RANBP2: variants seen among roughly 807,000 people sequenced by gnomAD.
RANBP2 encodes the protein RAN binding protein 2.
RANBP2 carries 57 observed loss-of-function variants against 303.6 expected under a neutral mutation model. The observed-to-expected ratio is 0.19, with a 90% CI of 0.15 to 0.23. RANBP2 has a LOEUF of 0.23. Among genes scored for constraint, RANBP2 ranks in the 10% least tolerant of loss-of-function variants. The probability of loss-of-function intolerance (pLI) is 1.00; values close to 1 mark genes in which losing one functional copy is unlikely to be tolerated. For missense variants in RANBP2, 3,138 were observed against 3,780.8 expected, an observed-to-expected ratio of 0.83 and a Z score of 4.46; for synonymous variants, 1,167 against 1,301.5, an observed-to-expected ratio of 0.90 and a Z score of 2.23.
chr2:108,772,766 G>T, intron 22 of RANBP2, 102 bp from the exon 23 acceptor site: 2 of 1,321,122 alleles, frequency 1.5e-6, no homozygotes, highest in Non-Finnish European at 2.1e-6. Context: ...GTATGTACAG[G>T]TCTTGTTACC....
At chr2:109,191,061 C>T in the RANBP2 span, among the ~76,000 whole-genome samples, 1 of 152,122 alleles carries the variant, frequency 6.6e-6, no homozygotes, top group Non-Finnish European at 1.5e-5. Flanking sequence ...AGAGTCTAAC[C>T]TCCTCTGTTG....
chr2:109,314,550 T>C, the RANBP2 span, among the ~76,000 whole-genome samples: 5 of 152,198 alleles, frequency 3.3e-5, no homozygotes, highest in Non-Finnish European at 2.9e-5. Context: ...CATCAACTAA[T>C]ACATTTTTAT....
At chr2:108,950,695 T>C in the RANBP2 span, among the ~76,000 whole-genome samples, 4 of 152,230 alleles carry the variant, frequency 2.6e-5, no homozygotes, top group African/African-American at 9.6e-5. Flanking sequence ...TCCACATCCC[T>C]GCCCTTGCTC....
chr2:109,174,879 A>G, the RANBP2 span, among the ~76,000 whole-genome samples: 1 of 152,190 alleles, frequency 6.6e-6, no homozygotes, highest in African/African-American at 2.4e-5. Flanking sequence ...CTCTGTCAAC[A>G]TATTTCAGAT....
chr2:109,366,712 G>A, the RANBP2 span, among the ~76,000 whole-genome samples: 8 of 152,234 alleles, frequency 5.3e-5, no homozygotes, highest in African/African-American at 1.9e-4. Flanking sequence ...AATTAGCTGC[G>A]TGTGGTGGCA....
At chr2:109,581,367 G>A in the RANBP2 span, among the ~76,000 whole-genome samples, 1 of 152,064 alleles carries the variant, frequency 6.6e-6, no homozygotes, top group African/African-American at 2.4e-5. Context: ...AACCCAGGAG[G>A]CGGAGGTTGC....
chr2:108,982,719 T>C, the RANBP2 span, among the ~76,000 whole-genome samples: 11 of 152,224 alleles, frequency 7.2e-5, no homozygotes, highest in Admixed American at 5.2e-4. Flanking sequence ...TAGAGAAAGT[T>C]TGGTCTCCTG....
chr2:108,887,318 G>A, the RANBP2 span, among the ~76,000 whole-genome samples: 1 of 152,120 alleles, frequency 6.6e-6, no homozygotes, highest in Non-Finnish European at 1.5e-5. Context: ...TCATTGTGAT[G>A]CCTACAGCTT....
At chr2:109,164,563 C>T in the RANBP2 span, among the ~76,000 whole-genome samples, 9 of 152,260 alleles carry the variant, frequency 5.9e-5, no homozygotes, top group African/African-American at 2.2e-4. Context: ...TACTCTTCTA[C>T]CCATTCAAAC....
chr2:108,984,658 AC>A, the RANBP2 span, among the ~76,000 whole-genome samples: 1 of 151,020 alleles, frequency 6.6e-6, no homozygotes, highest in South Asian at 2.1e-4. Context: ...TACCCTGGGC[AC>A]CTTCTTTCTA....
chr2:108,833,894 A>ATT, the RANBP2 span, among the ~76,000 whole-genome samples: 13,548 of 78,848 alleles, frequency 0.17, 610 homozygotes, highest in African/African-American at 0.18. Flanking sequence ...CGCCCGGCTA[A>ATT]TTTTTTTTTT....
chr2:109,627,192 T>G, the RANBP2 span, among the ~76,000 whole-genome samples: 1 of 151,992 alleles, frequency 6.6e-6, no homozygotes, highest in African/African-American at 2.4e-5. Flanking sequence ...AACAAAACAA[T>G]TATTTGTGTA....
chr2:109,596,524 G>A, the RANBP2 span, among the ~76,000 whole-genome samples: 1 of 152,088 alleles, frequency 6.6e-6, no homozygotes, highest in Non-Finnish European at 1.5e-5. Flanking sequence ...GGCTGAGGCA[G>A]GAGAATGGCG....
the RANBP2 span, among the ~76,000 whole-genome samples, chr2:109,699,019 G>A: frequency 2.0e-5 from 3 of 152,234 alleles, no homozygotes; most frequent in Admixed American, 6.5e-5. Context: ...TTGAGTGGGT[G>A]TAAGGCGGCC....
chr2:109,171,941 C>G, the RANBP2 span, among the ~76,000 whole-genome samples: 2 of 152,266 alleles, frequency 1.3e-5, no homozygotes, highest in South Asian at 4.1e-4. Flanking sequence ...TTGACTCCCT[C>G]CTTTCGCTGT....
chr2:109,226,894 G>A, the RANBP2 span, among the ~76,000 whole-genome samples: 1 of 152,204 alleles, frequency 6.6e-6, no homozygotes, highest in African/African-American at 2.4e-5. Context: ...GAGAAGCAAA[G>A]CCGTGTGGTG....
chr2:108,820,777 CA>C, the RANBP2 span, among the ~76,000 whole-genome samples: 1 of 151,002 alleles, frequency 6.6e-6, no homozygotes. Flanking sequence ...AAGACTTTCT[CA>C]GATAAACAGT....
At chr2:108,857,119 G>A in the RANBP2 span, 66 of 406,368 alleles carry the variant, frequency 1.6e-4, no homozygotes, top group East Asian at 8.0e-4. Context: ...TCGCTTTGTC[G>A]TCAAGCTGGA....
At chr2:109,304,443 G>A in the RANBP2 span, among the ~76,000 whole-genome samples, 1 of 151,974 alleles carries the variant, frequency 6.6e-6, no homozygotes, top group Non-Finnish European at 1.5e-5. Context: ...AGGCTGAGTT[G>A]CCCCACGTTG....
Sources: allele counts gnomAD v4.1 joint callset (sites outside exome capture counted in the v4.1 genomes callset), GRCh38; gene constraint gnomAD v4.1.1; transcripts MANE v1.5; gene names NCBI Gene and HGNC (gene_info 2026-07-23, HGNC 2026-07-21).